MBTD1: variants seen among roughly 807,000 people sequenced by gnomAD.
MBTD1 encodes MBT domain-containing protein 1.
MBTD1 carries 24 observed loss-of-function variants against 87.8 expected under a neutral mutation model. That is an observed-to-expected ratio of 0.27 (90% CI 0.20 to 0.38). The LOEUF (loss-of-function observed/expected upper bound fraction) is 0.38, where lower values mean the gene tolerates loss of function less well. Among genes scored for constraint, MBTD1 ranks in the 10% least tolerant of loss-of-function variants. The probability of loss-of-function intolerance (pLI) is 1.00; values close to 1 mark genes in which losing one functional copy is unlikely to be tolerated. For synonymous variants in MBTD1, 237 were observed against 248.6 expected (o/e 0.95, Z 0.44); for missense variants, 436 against 760.2 (o/e 0.57, Z 5.02).
intron 1 of MBTD1, 85 bp from the exon 2 acceptor site, chr17:51,259,291 C>T: frequency 3.3e-6 from 4 of 1,229,322 alleles, no homozygotes; most frequent in Non-Finnish European, 4.1e-6. Flanking sequence ...AAATATGCAG[C>T]CTTGGAGGCT....
intron 2 of MBTD1, among the ~76,000 whole-genome samples, chr17:51,232,950 G>A (rs1028587380): frequency 5.3e-5 from 8 of 150,930 alleles, no homozygotes; most frequent in Non-Finnish European, 8.8e-5. Flanking sequence ...TACTCAGGAG[G>A]CTGAGATGAG....
intron 7 of MBTD1, 44 bp from the exon 8 acceptor site, chr17:51,203,969 TAAATA>T (rs1568172809): frequency 6.8e-7 from 1 of 1,466,818 alleles, no homozygotes; most frequent in Admixed American, 2.1e-5. Context: ...AAAATAAAAT[TAAATA>T]AAACAATACA....
intron 2 of MBTD1, among the ~76,000 whole-genome samples, chr17:51,255,888 A>G (rs1293641175): frequency 6.6e-6 from 1 of 152,164 alleles, no homozygotes; most frequent in Non-Finnish European, 1.5e-5. Flanking sequence ...GTTAGCCAAC[A>G]CACCTGGTTA....
At chr17:51,227,803 T>A (rs1451858872) in intron 2 of MBTD1, among the ~76,000 whole-genome samples, 1 of 151,478 alleles carries the variant, frequency 6.6e-6, no homozygotes, top group African/African-American at 2.4e-5. Flanking sequence ...TATATACAAA[T>A]TAGCCGAGCG....
chr17:51,240,558 G>A (rs2054106277), intron 2 of MBTD1, among the ~76,000 whole-genome samples: 1 of 152,148 alleles, frequency 6.6e-6, no homozygotes, highest in Admixed American at 6.5e-5. Flanking sequence ...GCAGGTACAT[G>A]GCAGAGGTAA....
chr17:51,196,143 C>T (rs1356730163), intron 12 of MBTD1, among the ~76,000 whole-genome samples: 2 of 151,886 alleles, frequency 1.3e-5, no homozygotes, highest in Non-Finnish European at 2.9e-5. Context: ...AACTCCTGGG[C>T]TCAAGTGATC....
In MBTD1 at chr17:51,179,510, A is replaced by ATATT. The variant is rs1490946013; in HGVS notation, c.*1065_*1066insAATA. On this transcript the variant is annotated 3_prime_UTR_variant, in exon 17 of 17. Coordinates refer to ENST00000586178, the MANE Select transcript of MBTD1 (RefSeq NM_017643.3). Reference sequence around the variant, plus strand: ...TATATATATATATATATATATATATATATATATATATATATATATATATAT... The same window carrying ATATT: ...TATATATATATATATATATATATATATATTTATATATATATATATATATATATAT... 2 of 95,736 alleles carry ATATT rather than the reference A, an allele frequency of 2.1e-5. No individual in the cohort carries two copies. Among genetic ancestry groups the ATATT allele is most frequent in the Non-Finnish European group, 4.4e-5 (2 of 45,760 alleles). The allele number at this position is 95,736 out of a possible 1,614,324, so 5.9% of individuals were successfully genotyped here.
chr17:51,260,390 A>G (rs1389678135), upstream of MBTD1: 4 of 615,568 alleles, frequency 6.5e-6, no homozygotes, highest in Admixed American at 1.1e-4. Flanking sequence ...GCCCTCCCGG[A>G]GGAACTCCCA....
At chr17:51,247,440 ACTTTTTTT>A (rs2054509201) in intron 2 of MBTD1, among the ~76,000 whole-genome samples, 1 of 114,240 alleles carries the variant, frequency 8.8e-6, no homozygotes, top group Non-Finnish European at 1.7e-5. Context: ...AATCAGTATT[ACTTTTTTT>A]TTTTTTTTTT....
intron 2 of MBTD1, among the ~76,000 whole-genome samples, chr17:51,246,531 T>A (rs191324440): frequency 8.5e-5 from 13 of 152,360 alleles, no homozygotes; most frequent in Admixed American, 5.9e-4. Flanking sequence ...ATATCCTACC[T>A]CGCTGAATTG....
At chr17:51,186,741 T>C (rs1051870216) in intron 16 of MBTD1, among the ~76,000 whole-genome samples, 1 of 151,024 alleles carries the variant, frequency 6.6e-6, no homozygotes, top group African/African-American at 2.4e-5. Context: ...GCCACTGCAC[T>C]CCAACCTGGG....
intron 2 of MBTD1, among the ~76,000 whole-genome samples, chr17:51,241,176 T>C (rs575191387): frequency 9.2e-5 from 14 of 152,214 alleles, no homozygotes; most frequent in East Asian, 3.9e-4. Flanking sequence ...AGTTTTGCCA[T>C]GTTGCCAGGC....
rs572256605 is a variant in MBTD1 at position 51,224,282 on chromosome 17, A to C, written c.154+726T>G. Among the ~76,000 whole-genome samples the C allele has an allele frequency of 7.5e-4, 115 of 152,354 alleles. 1 individual carries two copies. Among genetic ancestry groups the C allele is most frequent in the African/African-American group, 2.7e-3 (112 of 41,580 alleles). On this transcript the variant is annotated intron_variant, in intron 3 of 16. Transcript: ENST00000586178. ...AATCACTGGGATACACCATGAGAGA[A>C]ATGGTTGAAGCAACTATGGCTCCTT...
intron 16 of MBTD1, among the ~76,000 whole-genome samples, chr17:51,187,504 C>G (rs1202119665): frequency 6.6e-6 from 1 of 151,830 alleles, no homozygotes; most frequent in East Asian, 1.9e-4. Context: ...AAAAAATACT[C>G]TGAACTCTGC....
At chr17:51,234,217 AC>A (rs555010950) in intron 2 of MBTD1, among the ~76,000 whole-genome samples, 69 of 151,904 alleles carry the variant, frequency 4.5e-4, no homozygotes, top group African/African-American at 1.6e-3. Context: ...ATGTAGCAAA[AC>A]CCCATCTCTA....
chr17:51,190,678 T>C (rs2050748709), intron 16 of MBTD1, among the ~76,000 whole-genome samples: 1 of 117,448 alleles, frequency 8.5e-6, no homozygotes, highest in African/African-American at 3.4e-5. Flanking sequence ...GCCAAGATCA[T>C]ACCACTGCAT....
At chr17:51,189,784 TA>T (rs1260043750) in intron 16 of MBTD1, among the ~76,000 whole-genome samples, 1 of 152,254 alleles carries the variant, frequency 6.6e-6, no homozygotes, top group Admixed American at 6.5e-5. Context: ...TCATATCTGC[TA>T]TTGTCAGTCC....
At chr17:51,202,962 C>G (rs117213731) in intron 9 of MBTD1, 27 bp from the exon 10 acceptor site, 5 of 1,558,272 alleles carry the variant, frequency 3.2e-6, no homozygotes, top group Non-Finnish European at 3.5e-6. Flanking sequence ...AAAAACTGCT[C>G]GAAATTCATG....
intron 2 of MBTD1, among the ~76,000 whole-genome samples, chr17:51,235,225 T>A (rs1252239523): frequency 6.6e-6 from 1 of 152,038 alleles, no homozygotes; most frequent in Non-Finnish European, 1.5e-5. Context: ...GACTTCCGCC[T>A]CCTGGGTTCA....
Sources: allele counts gnomAD v4.1 joint callset (sites outside exome capture counted in the v4.1 genomes callset), GRCh38; gene constraint gnomAD v4.1.1; transcripts MANE v1.5; gene names NCBI Gene and HGNC (gene_info 2026-07-23, HGNC 2026-07-21).